USP4: variants seen among roughly 807,000 people sequenced by gnomAD.
USP4 encodes ubiquitin specific peptidase 4, also known as ubiquitin carboxyl-terminal hydrolase 4.
USP4 carries 72 observed loss-of-function variants against 118.2 expected under a neutral mutation model. The ratio of observed to expected loss-of-function variants is 0.61; its 90% CI spans 0.50 to 0.74. The LOEUF is 0.74. USP4 is among the 30% of genes least tolerant of loss of function. The probability of loss-of-function intolerance (pLI) is 0.00; values close to 1 mark genes in which losing one functional copy is unlikely to be tolerated. For missense variants in USP4, 1,037 were observed against 1,185.7 expected (o/e 0.87, Z 1.84); for synonymous variants, 415 against 440.4 (o/e 0.94, Z 0.72).
intron 15 of USP4, 139 bp from the exon 16 acceptor site, chr3:49,286,464 A>T: frequency 1.2e-6 from 1 of 864,316 alleles, no homozygotes; most frequent in Non-Finnish European, 1.7e-6. Context: ...CTTTGCATTT[A>T]ACTTGAATTC....
chr3:49,331,733 A>G (rs2047619721), intron 2 of USP4, among the ~76,000 whole-genome samples: 1 of 152,184 alleles, frequency 6.6e-6, no homozygotes. Context: ...GATTTAGCAT[A>G]ATTCTTGAGG....
rs1277774594 is a variant in USP4, at chr3:49,277,760, G to A, written c.*533C>T. The stretch of plus-strand genomic sequence containing the variant: ...GCGGGGAGAAAGCTGGAAATTACAA[G>A]ATGACTCAACGGAGAAATGGGCTTC... On this transcript the variant is annotated 3_prime_UTR_variant, in exon 22 of 22. Coordinates refer to ENST00000265560, the MANE Select transcript of USP4 (RefSeq NM_003363.4). The A allele has an allele frequency of 1.7e-5, 3 of 172,500 alleles. No individual in the cohort carries two copies. Among genetic ancestry groups the A allele is most frequent in the African/African-American group, 7.1e-5 (3 of 42,470 alleles). 10.7% of individuals were successfully genotyped at this position (172,500 alleles called of 1,614,324 possible).
chr3:49,326,690 C>T (rs1285781782), intron 3 of USP4, among the ~76,000 whole-genome samples: 2 of 135,476 alleles, frequency 1.5e-5, no homozygotes, highest in East Asian at 2.4e-4. Context: ...CCACCATGCA[C>T]GGCCTGATCA....
intron 8 of USP4, among the ~76,000 whole-genome samples, chr3:49,309,538 G>A (rs1225388509): frequency 6.6e-6 from 1 of 151,346 alleles, no homozygotes; most frequent in Admixed American, 6.6e-5. Context: ...TTACAGGTGT[G>A]AGCCATTGCG....
intron 2 of USP4, among the ~76,000 whole-genome samples, chr3:49,330,902 C>T (rs992554291): frequency 1.3e-5 from 2 of 151,500 alleles, no homozygotes; most frequent in South Asian, 2.1e-4. Context: ...CCTGTGATCC[C>T]AGCTACTCAG....
intron 19 of USP4, among the ~76,000 whole-genome samples, chr3:49,282,662 T>A (rs2047045820): frequency 6.6e-6 from 1 of 151,912 alleles, no homozygotes; most frequent in South Asian, 2.1e-4. Context: ...ATCTATTCTT[T>A]CCCCCAGAAA....
intron 1 of USP4, among the ~76,000 whole-genome samples, chr3:49,337,048 G>A (rs1293772378): frequency 6.6e-6 from 1 of 152,020 alleles, no homozygotes; most frequent in East Asian, 1.9e-4. Flanking sequence ...ACTTTGAGAG[G>A]CCGAGGTGGA....
intron 8 of USP4, among the ~76,000 whole-genome samples, chr3:49,306,306 G>A (rs556867827): frequency 5.3e-5 from 8 of 150,586 alleles, no homozygotes; most frequent in Non-Finnish European, 1.0e-4. Flanking sequence ...GAGTTCAAGC[G>A]ATTCTCCTGC....
At chr3:49,278,535 C>G (rs550698020) in intron 21 of USP4, 84 bp from the exon 22 acceptor site, 2 of 1,502,236 alleles carry the variant, frequency 1.3e-6, no homozygotes, top group Admixed American at 1.8e-5. Context: ...GTCCAAAACC[C>G]TCAAGGATCT....
In USP4 at chr3:49,278,841, C is replaced by G; in HGVS notation, c.2706G>C (p.Val902=). 1 of 1,613,064 alleles carries G rather than the reference C, an allele frequency of 6.2e-7. No homozygotes were observed. The highest frequency in any genetic ancestry group is 8.5e-7 in the Non-Finnish European group (1 of 1,179,482). Reference sequence around the variant, plus strand: ...CTATCTGATCCTCAGAGGCCAGGGACACGTTGCTATCATCAAAGTAATACC... The same window carrying G: ...CTATCTGATCCTCAGAGGCCAGGGAGACGTTGCTATCATCAAAGTAATACC... ...GKWYYFDDSN[V]SLASEDQIVT... The change falls in exon 21 of 22, where the codon GTG becomes GTC. Residue 902 remains valine, a synonymous_variant. Transcript: ENST00000265560.
chr3:49,327,207 G>A (rs1194266514), intron 3 of USP4, among the ~76,000 whole-genome samples: 1 of 152,042 alleles, frequency 6.6e-6, no homozygotes, highest in Admixed American at 6.6e-5. Flanking sequence ...AATATTCTGG[G>A]TGAGCAACTT....
Position 49,311,453 on chromosome 3 carries a change from C to G in USP4, c.836+61G>C, listed in dbSNP as rs1478457834. ...CTTAGTGGAGCAGCAGATGAGCTCT[C>G]AAGATACAGCCTGGGAAAGGACCAC... On this transcript the variant is annotated intron_variant, in intron 7 of 21. Coordinates refer to ENST00000265560, the MANE Select transcript of USP4 (RefSeq NM_003363.4). 4.4e-6 allele frequency: 7 copies of G among 1,585,394 alleles called. No homozygotes were observed. In the African/African-American group the frequency reaches 8.1e-5, roughly 18 times the overall value.
At chr3:49,281,669 G>A (rs1410168839) in intron 19 of USP4, among the ~76,000 whole-genome samples, 1 of 149,554 alleles carries the variant, frequency 6.7e-6, no homozygotes, top group African/African-American at 2.5e-5. Context: ...AGCCGAGATC[G>A]TGCCATTGCA....
intron 2 of USP4, among the ~76,000 whole-genome samples, chr3:49,333,574 A>G (rs1256856958): frequency 6.6e-6 from 1 of 152,184 alleles, no homozygotes; most frequent in Non-Finnish European, 1.5e-5. Context: ...TAAGTGGCCG[A>G]ATTTCAGTGT....
At chr3:49,332,859 C>CA (rs778277025) in intron 2 of USP4, among the ~76,000 whole-genome samples, 2 of 151,814 alleles carry the variant, frequency 1.3e-5, no homozygotes, top group African/African-American at 4.8e-5. Context: ...ACAAAACCCA[C>CA]AAAAAATCTC....
At chr3:49,298,506 T>C (rs745820076) in intron 12 of USP4, 46 bp downstream of exon 12, 8 of 1,586,996 alleles carry the variant, frequency 5.0e-6, no homozygotes, top group Admixed American at 3.3e-5. Context: ...CCAAATGCTA[T>C]GAAGTATCCC....
intron 13 of USP4, among the ~76,000 whole-genome samples, chr3:49,296,391 T>A (rs1054047415): frequency 1.3e-5 from 2 of 152,150 alleles, no homozygotes; most frequent in Non-Finnish European, 2.9e-5. Context: ...GGCTCACGCC[T>A]GTAATCCCAG....
chr3:49,283,008 CTTTTTTTTTTTT>C (rs71077783), intron 19 of USP4, among the ~76,000 whole-genome samples: 2 of 78,264 alleles, frequency 2.6e-5, no homozygotes, highest in African/African-American at 1.1e-4. Context: ...GTGCCGGCCT[CTTTTTTTTTTTT>C]TTTTTTTTTT....
chr3:49,285,832 T>C (rs2047085614), intron 16 of USP4, among the ~76,000 whole-genome samples: 1 of 152,106 alleles, frequency 6.6e-6, no homozygotes, highest in Non-Finnish European at 1.5e-5. Context: ...ACAGGAAAGG[T>C]TATCGACCCA....
Sources: gnomAD v4.1 joint callset for allele counts (sites outside exome capture counted in the v4.1 genomes callset) on GRCh38, gnomAD v4.1.1 for gene constraint, MANE v1.5 for transcripts, NCBI Gene and HGNC (gene_info 2026-07-23, HGNC 2026-07-21) for gene names.